The following ZNF827 variants were observed in gnomAD, a reference collection of about 807,000 sequenced individuals.
ZNF827 encodes the protein zinc finger protein 827.
In ZNF827, 13 loss-of-function variants were observed where a neutral mutation model predicts 102.4. That is an observed-to-expected ratio of 0.13 (90% CI 0.08 to 0.20). The LOEUF (loss-of-function observed/expected upper bound fraction) is 0.20, where lower values mean the gene tolerates loss of function less well. Among genes scored for constraint, ZNF827 ranks in the 10% least tolerant of loss-of-function variants. The probability of loss-of-function intolerance (pLI) is 1.00; values close to 1 mark genes in which losing one functional copy is unlikely to be tolerated. For synonymous variants in ZNF827, 523 were observed against 536.2 expected (o/e 0.98, Z 0.34); for missense variants, 1,103 against 1,344.4 (o/e 0.82, Z 2.81).
intron 11 of ZNF827, among the ~76,000 whole-genome samples, chr4:145,771,592 G>A (rs763864679): frequency 3.9e-5 from 6 of 152,208 alleles, no homozygotes; most frequent in Non-Finnish European, 8.8e-5. Flanking sequence ...GGGACAAGAC[G>A]CCAGACAGTG....
intron 13 of ZNF827, chr4:145,764,758 A>C: frequency 9.4e-5 from 52 of 554,944 alleles, no homozygotes; most frequent in Non-Finnish European, 1.2e-4. Context: ...CTTGCCCTGA[A>C]TCCCGGGGTA....
chr4:145,938,218 CGAG>C (rs1754377894), intron 1 of ZNF827, 144 bp downstream of exon 1: 2 of 912,418 alleles, frequency 2.2e-6, no homozygotes, highest in Admixed American at 3.9e-5. Flanking sequence ...TAGACCTAAA[CGAG>C]GAGTAACCCG....
At chr4:145,775,427 CTT>C (rs879787507) in intron 10 of ZNF827, among the ~76,000 whole-genome samples, 1 of 145,696 alleles carries the variant, frequency 6.9e-6, no homozygotes, top group African/African-American at 2.5e-5. Context: ...ATTTCCTCAG[CTT>C]TTTTTTTTTT....
At chr4:145,849,712 C>G in intron 5 of ZNF827, 151 bp from the exon 6 acceptor site, 2 of 1,296,486 alleles carry the variant, frequency 1.5e-6, no homozygotes, top group East Asian at 4.7e-5. Context: ...GTTTGAAAAC[C>G]ATTGGCTCAA....
At chr4:145,800,825 T>C (rs1020499161) in intron 8 of ZNF827, among the ~76,000 whole-genome samples, 2 of 152,154 alleles carry the variant, frequency 1.3e-5, no homozygotes, top group Non-Finnish European at 2.9e-5. Context: ...AAATGTCCCC[T>C]TGGGGGCAAA....
At chr4:145,781,228 G>GAAA (rs60872964) in intron 8 of ZNF827, among the ~76,000 whole-genome samples, 25 of 99,632 alleles carry the variant, frequency 2.5e-4, no homozygotes, top group African/African-American at 4.1e-4. Flanking sequence ...GAAAAAAAAA[G>GAAA]AAAAAAAAAA....
intron 1 of ZNF827, 137 bp from the exon 2 acceptor site, chr4:145,903,352 C>A: frequency 7.0e-7 from 1 of 1,426,396 alleles, no homozygotes; most frequent in Non-Finnish European, 9.1e-7. Context: ...ACAGCCTTAA[C>A]AGAATGTCAG....
intron 7 of ZNF827, among the ~76,000 whole-genome samples, chr4:145,840,314 A>G (rs2126609711): frequency 6.6e-6 from 1 of 152,382 alleles, no homozygotes; most frequent in South Asian, 2.1e-4. Flanking sequence ...CCACATCTAG[A>G]GGGGCATGAT....
intron 8 of ZNF827, among the ~76,000 whole-genome samples, chr4:145,801,680 G>A (rs1052581732): frequency 2.6e-4 from 40 of 152,306 alleles, no homozygotes; most frequent in Admixed American, 9.2e-4. Flanking sequence ...GGCGTGGGAA[G>A]CCAATCAATT....
chr4:145,781,800 G>A (rs1043511634), intron 8 of ZNF827, among the ~76,000 whole-genome samples: 4 of 152,104 alleles, frequency 2.6e-5, no homozygotes, highest in Non-Finnish European at 4.4e-5. Context: ...GAACAATAAC[G>A]GTAATAATTA....
At chr4:145,901,624 C>T (rs192969241) in intron 2 of ZNF827, among the ~76,000 whole-genome samples, 2 of 152,168 alleles carry the variant, frequency 1.3e-5, no homozygotes, top group African/African-American at 2.4e-5. Flanking sequence ...GAATAGGATA[C>T]GTGAAAAGGG....
chr4:145,796,534 C>T (rs903960176), intron 8 of ZNF827, among the ~76,000 whole-genome samples: 3 of 151,868 alleles, frequency 2.0e-5, no homozygotes, highest in Admixed American at 6.6e-5. Flanking sequence ...GCAGGAAACA[C>T]GGTGACAGCA....
At position 145,864,949 on chromosome 4, in the gene ZNF827, T is replaced by C. The variant is rs1448134153; in HGVS notation, c.1981+5296A>G. 3.3e-5 allele frequency among the ~76,000 whole-genome samples: 5 copies of C among 152,312 alleles called. No homozygotes were observed. The East Asian group carries it at 9.6e-4, about 29-fold the overall frequency. ...CTGAAGTCACACTGCTTAGAAAGCT[T>C]GCTAGACCATAATTTTCCAAGGGAA... On this transcript the variant is annotated intron_variant, in intron 5 of 14. Transcript: ENST00000508784.
intron 4 of ZNF827, among the ~76,000 whole-genome samples, chr4:145,875,901 T>TA (rs1281885639): frequency 2.0e-5 from 3 of 152,214 alleles, no homozygotes; most frequent in Admixed American, 6.5e-5. Flanking sequence ...TTTAAGTTTT[T>TA]AAAAAATCAT....
rs143710480 is a variant in ZNF827, at chr4:145,779,518, C to T, written c.2384-7G>A. ...AGGACTATCTTTTCTGTTTCTGGGT[C>T]AAAAGAACAAAGCATCATGAGAAAT... is the stretch of plus-strand genomic sequence containing the variant. On this transcript the variant is annotated splice_polypyrimidine_tract_variant and splice_region_variant and intron_variant, in intron 8 of 14. Coordinates refer to ENST00000508784, the MANE Select transcript of ZNF827 (RefSeq NM_001306215.2). The T allele has an allele frequency of 1.2e-6, 2 of 1,611,566 alleles. No individual in the cohort carries two copies. Among genetic ancestry groups the T allele is most frequent in the East Asian group, 4.5e-5 (2 of 44,776 alleles).
In ZNF827 at chr4:145,849,316, A is replaced by C; in HGVS notation, c.2221+6T>G. The stretch of plus-strand genomic sequence containing the variant: ...ATAATTGACATTTTCCTGTGCATAA[A>C]CATACCTGACAGTTGAAAGAGGAGC... On this transcript the variant is annotated splice_donor_region_variant and intron_variant, in intron 6 of 14. Transcript: ENST00000508784. The C allele has an allele frequency of 6.2e-7, 1 of 1,613,452 alleles. No individual in the cohort carries two copies.
chr4:145,879,154 T>C (rs2126795284), intron 4 of ZNF827, among the ~76,000 whole-genome samples: 1 of 152,246 alleles, frequency 6.6e-6, no homozygotes, highest in African/African-American at 2.4e-5. Context: ...AATTAAGTAG[T>C]CAAGAGCCAA....
intron 1 of ZNF827, among the ~76,000 whole-genome samples, chr4:145,931,678 T>C (rs1394084971): frequency 6.6e-6 from 1 of 152,224 alleles, no homozygotes; most frequent in Admixed American, 6.5e-5. Context: ...CTACTCTGTT[T>C]GTTTTTCCTT....
intron 7 of ZNF827, among the ~76,000 whole-genome samples, chr4:145,839,865 T>C (rs142976818): frequency 1.3e-4 from 20 of 152,234 alleles, no homozygotes; most frequent in Middle Eastern, 6.8e-3. Context: ...CCATGGGAAA[T>C]GAAAAGAAAG....
Sources: gnomAD v4.1 joint callset for allele counts (sites outside exome capture counted in the v4.1 genomes callset) on GRCh38, gnomAD v4.1.1 for gene constraint, MANE v1.5 for transcripts, NCBI Gene and HGNC (gene_info 2026-07-23, HGNC 2026-07-21) for gene names.